Variants in CHD4 observed in about 807,000 individuals in gnomAD.
CHD4 encodes the protein chromodomain helicase DNA binding protein 4, also known as ATP-dependent chromatin remodeler CHD4.
CHD4 carries 35 observed loss-of-function variants against 235.5 expected under a neutral mutation model. The ratio of observed to expected loss-of-function variants is 0.15; its 90% CI spans 0.11 to 0.20. The LOEUF is 0.20. Ranked by LOEUF, CHD4 falls within the 10% of genes least tolerant of loss-of-function variation. The pLI is 1.00. For missense variants in CHD4, 1,329 were observed against 2,432.3 expected (o/e 0.55, Z 9.54); for synonymous variants, 900 against 850.2 (o/e 1.06, Z -1.02).
intron 25 of CHD4, chr12:6,583,687 T>C (rs963213174): frequency 1.1e-4 from 29 of 268,556 alleles, no homozygotes; most frequent in Admixed American, 2.1e-4. Flanking sequence ...AATTGAAAGA[T>C]AGCAAAAAGA....
chr12:6,606,820 G>T (rs1948710618), intron 1 of CHD4: 1 of 154,344 alleles, frequency 6.5e-6, no homozygotes, highest in Non-Finnish European at 1.4e-5. Context: ...GGGGTGGGGG[G>T]GCGCCTCCCT....
intron 22 of CHD4, among the ~76,000 whole-genome samples, chr12:6,589,230 C>T (rs1948351074): frequency 6.6e-6 from 1 of 152,134 alleles, no homozygotes; most frequent in African/African-American, 2.4e-5. Context: ...GCAAACACCA[C>T]AGTAATAATC....
At chr12:6,606,701 G>T (rs561747109) in intron 1 of CHD4, 95 of 229,916 alleles carry the variant, frequency 4.1e-4, no homozygotes, top group African/African-American at 2.0e-3. Context: ...GGGAGACGCG[G>T]GGCTGGACCG....
chr12:6,576,953 T>C (rs1948081869), intron 37 of CHD4, among the ~76,000 whole-genome samples: 1 of 152,130 alleles, frequency 6.6e-6, no homozygotes, highest in African/African-American at 2.4e-5. Flanking sequence ...TTTTTTTTTT[T>C]TGAGACAGAG....
intron 19 of CHD4, 74 bp from the exon 20 acceptor site, chr12:6,592,131 G>C: frequency 1.9e-6 from 3 of 1,564,282 alleles, no homozygotes; most frequent in Non-Finnish European, 2.6e-6. Flanking sequence ...GCCAACAACT[G>C]AGATCTTTCT....
intron 25 of CHD4, among the ~76,000 whole-genome samples, chr12:6,585,287 C>A (rs1168321716): frequency 6.6e-6 from 1 of 151,592 alleles, no homozygotes; most frequent in South Asian, 2.1e-4. Flanking sequence ...AGGTATATAC[C>A]GATTCTAATC....
At chr12:6,601,592 A>G (rs568539498) in intron 5 of CHD4, 56 bp downstream of exon 5, 2 of 1,613,170 alleles carry the variant, frequency 1.2e-6, no homozygotes, top group East Asian at 2.2e-5. Flanking sequence ...AAAGAGAAGT[A>G]AGAAGAGAGA....
chr12:6,581,576 G>C (rs1209111453), intron 31 of CHD4, 73 bp downstream of exon 31: 9 of 1,594,816 alleles, frequency 5.6e-6, no homozygotes, highest in Admixed American at 1.7e-5. Context: ...TGTTAGAACT[G>C]AGCACAGGGG....
chr12:6,581,626 A>G (rs1319635462), intron 31 of CHD4, 23 bp downstream of exon 31: 1 of 1,614,140 alleles, frequency 6.2e-7, no homozygotes, highest in East Asian at 2.2e-5. Context: ...AGGGACAGAA[A>G]ATGATAGGAC....
chr12:6,575,624 C>G (rs1291860320), intron 37 of CHD4, among the ~76,000 whole-genome samples: 1 of 152,086 alleles, frequency 6.6e-6, no homozygotes, highest in East Asian at 1.9e-4. Flanking sequence ...CCCTTAACAC[C>G]TCATGATTAT....
intron 6 of CHD4, 85 bp downstream of exon 6, chr12:6,601,204 G>T: frequency 1.3e-6 from 2 of 1,567,800 alleles, no homozygotes; most frequent in Non-Finnish European, 1.7e-6. Flanking sequence ...CCTACCTTAG[G>T]GCTGACAGAC....
At chr12:6,571,105 C>T in intron 38 of CHD4, 73 bp from the exon 39 acceptor site, 1 of 1,539,144 alleles carries the variant, frequency 6.5e-7, no homozygotes, top group Non-Finnish European at 8.8e-7. Context: ...GTGGACCAGC[C>T]CCCCATCACT....
In CHD4 at chr12:6,601,293, G is replaced by C. The variant is rs761855632; in HGVS notation, c.795C>G (p.Gly265=). ...VPIRKAKTKE[G]KGPNARRKPK... ...CCCATTTGAACCCCATTTCACCTTT[G>C]CCCTCCTTGGTCTTGGCCTTGCGGA... Residue 265 remains glycine, a synonymous_variant, in exon 6 of 40, where the codon GGC becomes GGG. Transcript: ENST00000544040. The C allele has an allele frequency of 1.9e-6, 3 of 1,613,402 alleles. No homozygotes were observed. The highest frequency in any genetic ancestry group is 3.3e-5 in the Admixed American group (2 of 59,992).
chr12:6,583,093 C>A lies in CHD4; in HGVS notation c.4081G>T (p.Asp1361Tyr). 6.3e-7 allele frequency: 1 copy of A among 1,583,930 alleles called. No individual in the cohort carries two copies. Among genetic ancestry groups the A allele is most frequent in the Non-Finnish European group, 8.6e-7 (1 of 1,164,506 alleles). ...EDRDWQDDQS[D>Y]NQSDYSVASE... is the part of the protein sequence containing the mutation. ...GCCACTGAGTAATCGGACTGGTTGTCGGACTGGTCGTCCTGCCAATCTGGA... is the reference window on the plus strand; with the variant it reads ...GCCACTGAGTAATCGGACTGGTTGTAGGACTGGTCGTCCTGCCAATCTGGA... Residue 1361 changes from aspartate to tyrosine, a missense_variant, in exon 27 of 40, where the codon GAC becomes TAC. Around this residue, in one of 26 missense-constraint regions of CHD4, gnomAD observed 46 missense variants for 85.6 expected, o/e 0.54. Transcript: ENST00000544040.
At chr12:6,594,057 A>T (rs1222230479) in intron 15 of CHD4, among the ~76,000 whole-genome samples, 1 of 151,998 alleles carries the variant, frequency 6.6e-6, no homozygotes, top group African/African-American at 2.4e-5. Context: ...CTGGTCTCGA[A>T]CTCCTGACCT....
intron 10 of CHD4, 124 bp downstream of exon 10, chr12:6,599,649 G>A: frequency 8.3e-7 from 1 of 1,204,474 alleles, no homozygotes; most frequent in South Asian, 1.4e-5. Flanking sequence ...ATAGGATGAA[G>A]GAGAATACCT....
intron 10 of CHD4, among the ~76,000 whole-genome samples, chr12:6,598,921 T>C (rs1041671568): frequency 6.6e-6 from 1 of 152,276 alleles, no homozygotes; most frequent in East Asian, 1.9e-4. Context: ...AGAAGTATTT[T>C]GGATTTCACA....
Position 6,592,027 on chromosome 12 carries a change from A to G in CHD4, c.2979T>C (p.Asn993=). 1.9e-6 allele frequency: 3 copies of G among 1,614,202 alleles called. No individual in the cohort carries two copies. The highest frequency in any genetic ancestry group is 2.5e-6 in the Non-Finnish European group (3 of 1,180,030). ...KKYYKYILTR[N]FEALNARGGG... ...CACCTCGGGCATTGAGTGCTTCAAA[A>G]TTTCGAGTGAGGATGTACTTGTAGT... Residue 993 remains asparagine, a synonymous_variant, in exon 20 of 40, where the codon AAT becomes AAC. Coordinates refer to ENST00000544040, the MANE Select transcript of CHD4 (RefSeq NM_001273.5).
chr12:6,582,682 G>A lies in CHD4; in HGVS notation c.4303C>T (p.Pro1435Ser), dbSNP rs1332633442. Residue 1435 changes from proline to serine, a missense_variant, in exon 29 of 40, where the codon CCT becomes TCT. Physicochemically the swap from Pro to Ser is moderately conservative, Grantham distance 74 (BLOSUM62 -1). This residue lies in a region of CHD4 where 48 missense variants were observed against 109.6 expected (regional missense o/e 0.44). Transcript: ENST00000544040. Reference sequence around the variant, plus strand: ...CACTGGGTAGTAAAAGCATCCTGAGGTGGCATACCATATCGCATAATTGCA... The same window carrying A: ...CACTGGGTAGTAAAAGCATCCTGAGATGGCATACCATATCGCATAATTGCA... ...LNAIMRYGMP[P>S]QDAFTTQWLV... is the part of the protein sequence containing the mutation. 6.2e-7 allele frequency: 1 copy of A among 1,614,192 alleles called. No homozygotes were observed.
Sources: gnomAD v4.1 joint callset for allele counts (sites outside exome capture counted in the v4.1 genomes callset) on GRCh38, gnomAD v4.1.1 for gene constraint, gnomAD v4.1.1 regional missense constraint, MANE v1.5 for transcripts, NCBI Gene and HGNC (gene_info 2026-07-23, HGNC 2026-07-21) for gene names.